The following CALN1 variants were observed in gnomAD, a reference collection of about 807,000 sequenced individuals.
The protein encoded by CALN1 is calneuron 1, also known as calcium-binding protein 8.
In CALN1, 17 loss-of-function variants were observed where a neutral mutation model predicts 30.6. That is an observed-to-expected ratio of 0.56 (90% confidence interval 0.38 to 0.83). The LOEUF (loss-of-function observed/expected upper bound fraction) is 0.83, where lower values mean the gene tolerates loss of function less well. Among genes scored for constraint, CALN1 ranks in the 40% least tolerant of loss-of-function variants. The pLI is 0.00. For missense variants in CALN1, 291 were observed against 354.9 expected (o/e 0.82, Z 1.45); for synonymous variants, 156 against 131.4 (o/e 1.19, Z -1.28).
chr7:72,040,808 C>CA (rs1370968410), intron 4 of CALN1, among the ~76,000 whole-genome samples: 8 of 152,094 alleles, frequency 5.3e-5, no homozygotes, highest in Non-Finnish European at 1.0e-4. Context: ...TGGTCATGTG[C>CA]AAGACAGGAA....
At chr7:72,089,589 G>C (rs1369281039) in intron 4 of CALN1, among the ~76,000 whole-genome samples, 1 of 152,092 alleles carries the variant, frequency 6.6e-6, no homozygotes, top group Non-Finnish European at 1.5e-5. Context: ...CGTATTCCTG[G>C]AAGGAAAAGA....
In CALN1 at chr7:71,816,026, AT is replaced by A. The variant is rs35971928; in HGVS notation, c.502-5535del. ...AGGTGCATGACACCAGACCTGGCTA[AT>A]TTTTTTTTTAATTTTTTTTTTCTTT... On this transcript the variant is annotated intron_variant, in intron 5 of 6. Transcript: ENST00000395275. Among the ~76,000 whole-genome samples the A allele has an allele frequency of 2.9e-4, 43 of 148,154 alleles. 1 individual carries two copies. The highest frequency in any genetic ancestry group is 1.7e-3 in the South Asian group (8 of 4,628).
intron 3 of CALN1, among the ~76,000 whole-genome samples, chr7:72,190,595 G>A (rs1790528524): frequency 6.6e-6 from 1 of 152,106 alleles, no homozygotes; most frequent in African/African-American, 2.4e-5. Context: ...CCTTTATTGA[G>A]GTTTGAGTTC....
At chr7:72,034,763 G>C (rs1452296922) in intron 4 of CALN1, among the ~76,000 whole-genome samples, 1 of 146,654 alleles carries the variant, frequency 6.8e-6, no homozygotes, top group African/African-American at 2.6e-5. Flanking sequence ...ACTTCAGCCT[G>C]GGCGACAGAA....
chr7:72,463,585 T>C, the CALN1 span, among the ~76,000 whole-genome samples: 1 of 152,204 alleles, frequency 6.6e-6, no homozygotes, highest in East Asian at 1.9e-4. Flanking sequence ...TTTGAGTCAG[T>C]GTCTCACTCT....
At chr7:72,235,627 G>A (rs1048513862) in intron 3 of CALN1, among the ~76,000 whole-genome samples, 1 of 152,024 alleles carries the variant, frequency 6.6e-6, no homozygotes, top group Non-Finnish European at 1.5e-5. Context: ...CCACTCCGGG[G>A]ACCTGGCACA....
intron 2 of CALN1, among the ~76,000 whole-genome samples, chr7:72,344,957 GTATT>G (rs1802558482): frequency 6.9e-6 from 1 of 145,640 alleles, no homozygotes; most frequent in African/African-American, 2.5e-5. Flanking sequence ...GTTTTATGTG[GTATT>G]TATATTTATA....
At chr7:72,262,510 C>T (rs578228441) in intron 3 of CALN1, among the ~76,000 whole-genome samples, 10 of 152,166 alleles carry the variant, frequency 6.6e-5, no homozygotes, top group Non-Finnish European at 1.0e-4. Flanking sequence ...TTTCCTCTCT[C>T]CTCTGTTTTG....
intron 1 of CALN1, among the ~76,000 whole-genome samples, chr7:72,428,368 T>A (rs74626545): frequency 6.8e-6 from 1 of 147,534 alleles, no homozygotes; most frequent in Non-Finnish European, 1.5e-5. Flanking sequence ...CACAGATTGA[T>A]TTTTTTTTTG....
At chr7:72,106,367 C>T in intron 3 of CALN1, 73 bp from the exon 4 acceptor site, 2 of 1,578,870 alleles carry the variant, frequency 1.3e-6, no homozygotes, top group Non-Finnish European at 1.7e-6. Flanking sequence ...TTGGTGATTG[C>T]CTACTGAGAA....
At chr7:72,042,030 G>C (rs1802164063) in intron 4 of CALN1, among the ~76,000 whole-genome samples, 1 of 152,170 alleles carries the variant, frequency 6.6e-6, no homozygotes, top group Non-Finnish European at 1.5e-5. Context: ...AACTAATACA[G>C]AGTAGCAAGG....
chr7:72,355,352 C>A (rs1803163286), intron 2 of CALN1, among the ~76,000 whole-genome samples: 1 of 151,996 alleles, frequency 6.6e-6, no homozygotes, highest in East Asian at 1.9e-4. Flanking sequence ...ATGGTGAAAA[C>A]CCATCTCTAC....
At chr7:72,337,108 GC>G (rs1260587120) in intron 2 of CALN1, 1 of 985,548 alleles carries the variant, frequency 1.0e-6, no homozygotes, top group Non-Finnish European at 1.2e-6. Context: ...CTGCCTCGCT[GC>G]GCCCCGGAGC....
intron 5 of CALN1, among the ~76,000 whole-genome samples, chr7:71,843,771 C>T (rs1019286517): frequency 5.9e-5 from 9 of 152,130 alleles, no homozygotes; most frequent in African/African-American, 9.7e-5. Context: ...CTCATGGGCA[C>T]GCATGAGGTA....
intron 5 of CALN1, among the ~76,000 whole-genome samples, chr7:71,973,065 G>C (rs577387231): frequency 6.6e-6 from 1 of 152,296 alleles, no homozygotes; most frequent in South Asian, 2.1e-4. Context: ...ATCTATTCCA[G>C]TTGATGGTCT....
intron 6 of CALN1, among the ~76,000 whole-genome samples, chr7:71,809,193 C>T (rs1787791414): frequency 6.6e-6 from 1 of 152,066 alleles, no homozygotes; most frequent in Non-Finnish European, 1.5e-5. Context: ...TTTGCAACCT[C>T]AGAGTACAGG....
intron 5 of CALN1, among the ~76,000 whole-genome samples, chr7:71,888,415 C>T (rs1393414847): frequency 6.9e-6 from 1 of 145,194 alleles, no homozygotes; most frequent in African/African-American, 2.6e-5. Flanking sequence ...TGGATTGTAT[C>T]TCCATGAAGC....
chr7:71,905,613 T>C (rs1175035304), intron 5 of CALN1, among the ~76,000 whole-genome samples: 1 of 152,064 alleles, frequency 6.6e-6, no homozygotes, highest in Non-Finnish European at 1.5e-5. Flanking sequence ...TCTGGAGACC[T>C]TGGCAAGACA....
At chr7:71,920,118 C>G (rs1794864330) in intron 5 of CALN1, among the ~76,000 whole-genome samples, 1 of 152,104 alleles carries the variant, frequency 6.6e-6, no homozygotes, top group South Asian at 2.1e-4. Context: ...ACATGTTTAT[C>G]TATAGAGTAT....
Sources: allele counts gnomAD v4.1 joint callset (sites outside exome capture counted in the v4.1 genomes callset), GRCh38; gene constraint gnomAD v4.1.1; transcripts MANE v1.5; gene names NCBI Gene and HGNC (gene_info 2026-07-23, HGNC 2026-07-21).